PHACTR2: variants seen among roughly 807,000 people sequenced by gnomAD.
PHACTR2 encodes the protein chromosome 6 open reading frame 56.
PHACTR2 carries 30 observed loss-of-function variants against 76.0 expected under a neutral mutation model. The observed-to-expected ratio is 0.39, with a 90% CI of 0.30 to 0.54. The LOEUF is 0.54. Among genes scored for constraint, PHACTR2 ranks in the 20% least tolerant of loss-of-function variants. The pLI is 0.61. For missense variants in PHACTR2, 696 were observed against 781.1 expected, an observed-to-expected ratio of 0.89 and a Z score of 1.30; for synonymous variants, 292 against 292.5, an observed-to-expected ratio of 1.00 and a Z score of 0.02.
Position 143,541,576 on chromosome 6 carries a change from C to A in PHACTR2, c.217+4369C>A, listed in dbSNP as rs1225744690. ...CAAGTACAATCTCATCTTTTTATTA[C>A]TGTGATTCATCTCTTCAGTATCCCT... On this transcript the variant is annotated intron_variant, in intron 1 of 11. Transcript: ENST00000367584. The surrounding 1 kb of genome is among the most constrained non-coding windows in gnomAD (Gnocchi z 5.3). 6.6e-5 allele frequency among the ~76,000 whole-genome samples: 10 copies of A among 152,306 alleles called. 1 individual carries two copies. The highest frequency in any genetic ancestry group is 6.8e-3 in the Middle Eastern group (2 of 294).
In PHACTR2 at chr6:143,549,168, C is replaced by T. The variant is rs1156974493; in HGVS notation, c.217+11961C>T. Among the ~76,000 whole-genome samples the T allele has an allele frequency of 6.6e-6, 1 of 151,936 alleles. No individual in the cohort carries two copies. Among genetic ancestry groups the T allele is most frequent in the African/African-American group, 2.4e-5 (1 of 41,404 alleles). On this transcript the variant is annotated intron_variant, in intron 1 of 11. Coordinates refer to the PHACTR2 transcript ENST00000367584. This position sits in a 1 kb window ranked among gnomAD's most constrained non-coding sequence, Gnocchi z 4.2. ...CCCTTTGGTTTCCATTCAAGGCAGCCCTCAGTGGTCATTTAACCAGATCTC... is the reference window on the plus strand; with the variant it reads ...CCCTTTGGTTTCCATTCAAGGCAGCTCTCAGTGGTCATTTAACCAGATCTC...
chr6:143,814,853 C>T (rs1266709509), intron 12 of PHACTR2, among the ~76,000 whole-genome samples: 1 of 152,146 alleles, frequency 6.6e-6, no homozygotes, highest in Non-Finnish European at 1.5e-5. Context: ...CCGCCCGCCT[C>T]GGCCTCCCAA....
At chr6:143,779,857 G>A (rs1775377076) in intron 9 of PHACTR2, among the ~76,000 whole-genome samples, 1 of 149,824 alleles carries the variant, frequency 6.7e-6, no homozygotes, top group South Asian at 2.1e-4. Context: ...AATTATTTTG[G>A]TGATACTAGA....
Position 143,662,976 on chromosome 6 carries a change from T to G in PHACTR2, c.14-49040T>G, listed in dbSNP as rs1353790796. Among the ~76,000 whole-genome samples the G allele has an allele frequency of 6.6e-6, 1 of 152,198 alleles. No homozygotes were observed. The highest frequency in any genetic ancestry group is 6.5e-5 in the Admixed American group (1 of 15,290). On this transcript the variant is annotated intron_variant, in intron 1 of 11. Coordinates refer to the PHACTR2 transcript ENST00000305766. This position sits in a 1 kb window ranked among gnomAD's most constrained non-coding sequence, Gnocchi z 4.7. ...GAATATGTGATATTTGGTTTTCTGT[T>G]CCTGTATTAATTTGCTTAGGATATG...
rs935837365 is a variant in PHACTR2, at chr6:143,783,693, T to G, written c.1707+413T>G. ...TATGAGTGATGTTTCTGATTGTGTGTTGTGCTAATTTTGAATAATTAACAA... is the reference window on the plus strand; with the variant it reads ...TATGAGTGATGTTTCTGATTGTGTGGTGTGCTAATTTTGAATAATTAACAA... On this transcript the variant is annotated intron_variant, in intron 10 of 12. Coordinates refer to ENST00000440869, the MANE Select transcript of PHACTR2 (RefSeq NM_001100164.2). The surrounding 1 kb of genome is among the most constrained non-coding windows in gnomAD (Gnocchi z 5.2). Among the ~76,000 whole-genome samples, 3 of 152,218 alleles carry G rather than the reference T, an allele frequency of 2.0e-5. No individual in the cohort carries two copies. Among genetic ancestry groups the G allele is most frequent in the Non-Finnish European group, 2.9e-5 (2 of 68,038 alleles).
intron 1 of PHACTR2, among the ~76,000 whole-genome samples, chr6:143,628,960 T>C (rs1328926781): frequency 1.1e-5 from 1 of 92,450 alleles, no homozygotes; most frequent in Non-Finnish European, 2.3e-5. Context: ...TATATATATA[T>C]ATATATATAT....
At chr6:143,694,699 T>C (rs1777730813) in intron 1 of PHACTR2, among the ~76,000 whole-genome samples, 2 of 152,220 alleles carry the variant, frequency 1.3e-5, no homozygotes, top group African/African-American at 4.8e-5. Context: ...TTTAAACACC[T>C]GTCAAAGTAA....
rs1237112713 is a variant in PHACTR2 at position 143,624,878 on chromosome 6, G to A, written c.13+16556G>A. On this transcript the variant is annotated intron_variant, in intron 1 of 11. Transcript: ENST00000305766. This position sits in a 1 kb window ranked among gnomAD's most constrained non-coding sequence, Gnocchi z 4.6. The stretch of plus-strand genomic sequence containing the variant: ...CTGATAAAGTATAGTCAAGGAGGCC[G>A]GGAACGGTGCCTCACACCTGTAATC... 3.3e-5 allele frequency among the ~76,000 whole-genome samples: 5 copies of A among 152,046 alleles called. No homozygotes were observed. The highest frequency in any genetic ancestry group is 1.9e-4 in the East Asian group (1 of 5,172).
In PHACTR2 at chr6:143,777,607, C is replaced by CAG. The variant is rs750925268; in HGVS notation, c.1645+227_1645+228dup. On this transcript the variant is annotated intron_variant, in intron 9 of 12. Transcript: ENST00000440869. The surrounding 1 kb of genome is among the most constrained non-coding windows in gnomAD (Gnocchi z 4.6). Reference sequence around the variant, plus strand: ...TTGAGCCTTATACCCGCCCCTAGAGCAGAGTCATGGTCATGACAATTGTGT... The same window carrying CAG: ...TTGAGCCTTATACCCGCCCCTAGAGCAGAGAGTCATGGTCATGACAATTGTGT... Among the ~76,000 whole-genome samples, 6 of 152,164 alleles carry CAG rather than the reference C, an allele frequency of 3.9e-5. No individual in the cohort carries two copies. The highest frequency in any genetic ancestry group is 1.9e-4 in the East Asian group (1 of 5,180).
chr6:143,702,056 A>G (rs1047990694), intron 1 of PHACTR2, among the ~76,000 whole-genome samples: 1 of 150,838 alleles, frequency 6.6e-6, no homozygotes, highest in Admixed American at 6.6e-5. Context: ...TTACCATCCC[A>G]GTTGGGTGGT....
chr6:143,748,066 A>ATT (rs142599644), intron 2 of PHACTR2, among the ~76,000 whole-genome samples: 20 of 150,768 alleles, frequency 1.3e-4, no homozygotes, highest in South Asian at 6.3e-4. Context: ...ACTGATTATT[A>ATT]TTATTTTTTT....
Position 143,662,114 on chromosome 6 carries a change from T to G in PHACTR2, c.14-49902T>G, listed in dbSNP as rs1436225431. Among the ~76,000 whole-genome samples, 1 of 152,198 alleles carries G rather than the reference T, an allele frequency of 6.6e-6. No homozygotes were observed. Among genetic ancestry groups the G allele is most frequent in the East Asian group, 1.9e-4 (1 of 5,196 alleles). On this transcript the variant is annotated intron_variant, in intron 1 of 11. Coordinates refer to the PHACTR2 transcript ENST00000305766. The surrounding 1 kb of genome is among the most constrained non-coding windows in gnomAD (Gnocchi z 4.7). ...TCATTGCTCCTCCCCCTTTCTCAGC[T>G]CCCATCTTTATCACCTGTTTGGAGA...
chr6:143,647,005 G>A lies in PHACTR2; in HGVS notation c.13+38683G>A, dbSNP rs1281310681. ...GAATTTTAAAATGTATTTTTAGCAA[G>A]GCTCTAAAGATTAAGTCTTCACCTT... On this transcript the variant is annotated intron_variant, in intron 1 of 11. Coordinates refer to the PHACTR2 transcript ENST00000305766. The surrounding 1 kb of genome is among the most constrained non-coding windows in gnomAD (Gnocchi z 4.2). Among the ~76,000 whole-genome samples the A allele has an allele frequency of 6.6e-6, 1 of 152,174 alleles. No individual in the cohort carries two copies. Among genetic ancestry groups the A allele is most frequent in the South Asian group, 2.1e-4 (1 of 4,828 alleles).
chr6:143,659,025 A>C lies in PHACTR2; in HGVS notation c.13+50703A>C, dbSNP rs78071423. On this transcript the variant is annotated intron_variant, in intron 1 of 11. Transcript: ENST00000305766. The surrounding 1 kb of genome is among the most constrained non-coding windows in gnomAD (Gnocchi z 5.0). ...GGCAACAAAGCAAGATTCTGTCTCA[A>C]AAAAAAAAAAAAAGATAAAAAATGG... 4.0e-5 allele frequency among the ~76,000 whole-genome samples: 2 copies of C among 50,516 alleles called. No homozygotes were observed. The highest frequency in any genetic ancestry group is 3.6e-4 in the Admixed American group (2 of 5,566). The allele number at this position is 50,516 out of a possible 152,430, so 33.1% of individuals were successfully genotyped here.
intron 1 of PHACTR2, chr6:143,711,065 A>G (rs778174676): frequency 3.9e-6 from 2 of 517,240 alleles, no homozygotes; most frequent in South Asian, 2.8e-5. Flanking sequence ...TGAAATGCAA[A>G]AAATTGTAAA....
rs551969107 is a variant in PHACTR2 at position 143,581,586 on chromosome 6, A to G, written c.217+44379A>G. On this transcript the variant is annotated intron_variant, in intron 1 of 11. Transcript: ENST00000367584. The surrounding 1 kb of genome is among the most constrained non-coding windows in gnomAD (Gnocchi z 4.5). Reference sequence around the variant, plus strand: ...GAATGGATATGTGTATTAATTATCTATTGCTGCATGACAAATACGGATCAC... The same window carrying G: ...GAATGGATATGTGTATTAATTATCTGTTGCTGCATGACAAATACGGATCAC... 5.4e-4 allele frequency among the ~76,000 whole-genome samples: 83 copies of G among 152,322 alleles called. No individual in the cohort carries two copies. Among genetic ancestry groups the G allele is most frequent in the African/African-American group, 1.9e-3 (78 of 41,572 alleles).
intron 12 of PHACTR2, among the ~76,000 whole-genome samples, chr6:143,814,687 C>T (rs1449605866): frequency 6.6e-6 from 1 of 150,532 alleles, no homozygotes; most frequent in African/African-American, 2.4e-5. Context: ...ACTGCAAGCT[C>T]CGCCTCCTCG....
upstream of PHACTR2, among the ~76,000 whole-genome samples, chr6:143,677,140 A>C (rs962515386): frequency 6.6e-6 from 1 of 152,198 alleles, no homozygotes; most frequent in African/African-American, 2.4e-5. Flanking sequence ...GAATTTTCAT[A>C]AAATGAACAC....
chr6:143,726,381 G>A (rs937938809), intron 2 of PHACTR2, among the ~76,000 whole-genome samples: 1 of 152,106 alleles, frequency 6.6e-6, no homozygotes, highest in Non-Finnish European at 1.5e-5. Context: ...ATAGATCTCC[G>A]GAACTTTTTC....
Sources: allele counts gnomAD v4.1 joint callset (sites outside exome capture counted in the v4.1 genomes callset), GRCh38; gene constraint gnomAD v4.1.1; non-coding constraint Gnocchi (gnomAD v3.1); transcripts MANE v1.5; gene names NCBI Gene and HGNC (gene_info 2026-07-23, HGNC 2026-07-21).